Variants in ZPLD1 observed in about 807,000 individuals in gnomAD.
ZPLD1 encodes the protein zona pellucida like domain containing 1, also known as zona pellucida-like domain-containing protein 1.
Under a neutral mutation model 47.2 loss-of-function variants are expected in ZPLD1, and 34 were observed. That is an observed-to-expected ratio of 0.72 (90% CI 0.55 to 0.96). The LOEUF (loss-of-function observed/expected upper bound fraction) is 0.96, where lower values mean the gene tolerates loss of function less well. ZPLD1 is among the 40% of genes least tolerant of loss of function. The pLI is 0.00. For missense variants in ZPLD1, 512 were observed against 505.8 expected, an observed-to-expected ratio of 1.01 and a Z score of -0.12; for synonymous variants, 176 against 186.2, an observed-to-expected ratio of 0.95 and a Z score of 0.45.
chr3:102,454,630 C>A (rs1160238438), intron 4 of ZPLD1, among the ~76,000 whole-genome samples: 1 of 152,166 alleles, frequency 6.6e-6, no homozygotes, highest in Non-Finnish European at 1.5e-5. Context: ...CCAAGGTGGG[C>A]AGATCACCTG....
intron 7 of ZPLD1, among the ~76,000 whole-genome samples, chr3:102,395,191 T>C (rs1313372486): frequency 1.3e-5 from 2 of 152,024 alleles, no homozygotes; most frequent in Non-Finnish European, 2.9e-5. Flanking sequence ...AATAACAGAC[T>C]CCAAAAACGT....
chr3:102,478,510 G>C lies in ZPLD1; in HGVS notation c.*892G>C, dbSNP rs1707793272. ...TCCTAGAAGGGTTTTTAACAATTTAGATTCCCTTTTTCCTAAAACAAAAAG... is the reference window on the plus strand; with the variant it reads ...TCCTAGAAGGGTTTTTAACAATTTACATTCCCTTTTTCCTAAAACAAAAAG... On this transcript the variant is annotated 3_prime_UTR_variant, in exon 12 of 12. Transcript: ENST00000466937. The C allele has an allele frequency of 3.2e-5, 1 of 30,980 alleles. No individual in the cohort carries two copies. Among genetic ancestry groups the C allele is most frequent in the Non-Finnish European group, 1.4e-4 (1 of 7,284 alleles). 1.9% of individuals were successfully genotyped at this position (30,980 alleles called of 1,614,324 possible).
At chr3:102,391,202 A>C (rs943439210) in intron 6 of ZPLD1, among the ~76,000 whole-genome samples, 2 of 152,190 alleles carry the variant, frequency 1.3e-5, no homozygotes, top group African/African-American at 4.8e-5. Context: ...ACTTGCAGAA[A>C]GTTTTATGAA....
intron 6 of ZPLD1, among the ~76,000 whole-genome samples, chr3:102,460,368 A>G (rs950164585): frequency 6.6e-6 from 1 of 152,004 alleles, no homozygotes; most frequent in African/African-American, 2.4e-5. Flanking sequence ...CAGTAAGTAT[A>G]CTGAGGGGAA....
At chr3:102,439,822 T>G (rs911446609) in intron 3 of ZPLD1, among the ~76,000 whole-genome samples, 3 of 152,196 alleles carry the variant, frequency 2.0e-5, no homozygotes, top group Non-Finnish European at 2.9e-5. Flanking sequence ...CCAACAGTAA[T>G]TTCTTAATAT....
intron 11 of ZPLD1, 90 bp downstream of exon 11, chr3:102,477,131 T>C: frequency 6.9e-7 from 1 of 1,449,862 alleles, no homozygotes; most frequent in Non-Finnish European, 9.7e-7. Context: ...GAGCTTGAGT[T>C]TTCCAAGTTT....
chr3:102,391,494 A>C (rs1706494810), intron 6 of ZPLD1, among the ~76,000 whole-genome samples: 1 of 152,090 alleles, frequency 6.6e-6, no homozygotes, highest in Non-Finnish European at 1.5e-5. Flanking sequence ...TCTCGGTATA[A>C]AAAGTGATAC....
At chr3:102,408,612 C>T (rs980769510) in intron 7 of ZPLD1, among the ~76,000 whole-genome samples, 16 of 151,704 alleles carry the variant, frequency 1.1e-4, no homozygotes, top group Non-Finnish European at 2.2e-4. Context: ...AGATTTCTTG[C>T]AATTTAACTT....
At chr3:102,406,806 C>A (rs1301113494) in intron 7 of ZPLD1, among the ~76,000 whole-genome samples, 1 of 151,944 alleles carries the variant, frequency 6.6e-6, no homozygotes, top group African/African-American at 2.4e-5. Context: ...CAGAGCCTAT[C>A]TTTCTCTTTG....
intron 1 of ZPLD1, 113 bp from the exon 2 acceptor site, chr3:102,436,747 T>C: frequency 1.2e-5 from 4 of 333,014 alleles, no homozygotes; most frequent in Non-Finnish European, 1.7e-5. Context: ...TTGTGCAAAG[T>C]GTACATTCAG....
At chr3:102,464,854 T>G (rs1707567569) in intron 8 of ZPLD1, among the ~76,000 whole-genome samples, 1 of 152,230 alleles carries the variant, frequency 6.6e-6, no homozygotes, top group Non-Finnish European at 1.5e-5. Context: ...CTCAGTTCCT[T>G]TTCAGCATTT....
chr3:102,432,437 T>C (rs1707027269), upstream of ZPLD1, among the ~76,000 whole-genome samples: 1 of 152,222 alleles, frequency 6.6e-6, no homozygotes, highest in South Asian at 2.1e-4. Flanking sequence ...AGATTGATGT[T>C]TAACATTTGA....
chr3:102,432,768 T>A (rs907710049), upstream of ZPLD1, among the ~76,000 whole-genome samples: 3 of 151,884 alleles, frequency 2.0e-5, no homozygotes, highest in Non-Finnish European at 4.4e-5. Flanking sequence ...TAGGAAAGTC[T>A]ATTTTATTTG....
chr3:102,451,392 T>A (rs576142097), intron 3 of ZPLD1, among the ~76,000 whole-genome samples: 1 of 152,210 alleles, frequency 6.6e-6, no homozygotes, highest in Non-Finnish European at 1.5e-5. Flanking sequence ...ATCAAGGTCA[T>A]TTCCCCATTG....
rs1211581179 is a variant in ZPLD1 at position 102,453,040 on chromosome 3, C to T, written c.228C>T (p.Asp76=). The stretch of plus-strand genomic sequence containing the variant: ...TGGCACTGAATGGAAGGCATGGGGA[C>T]TCCCACTGCAGAGGGTTCATCAATA... ...TDLALNGRHG[D]SHCRGFINNN... Residue 76 remains aspartate (D), a synonymous_variant, in exon 4 of 12, where the codon GAC becomes GAT. Coordinates refer to ENST00000466937, the MANE Select transcript of ZPLD1 (RefSeq NM_001329788.2). The T allele has an allele frequency of 1.2e-6, 2 of 1,613,958 alleles. No homozygotes were observed. The highest frequency in any genetic ancestry group is 2.7e-5 in the African/African-American group (2 of 74,902).
At chr3:102,423,483 C>G (rs183685103) in intron 8 of ZPLD1, among the ~76,000 whole-genome samples, 17 of 152,180 alleles carry the variant, frequency 1.1e-4, no homozygotes, top group African/African-American at 3.9e-4. Context: ...ATTATCTTAA[C>G]TCAAGGAACT....
chr3:102,393,643 T>C (rs1001738746), intron 7 of ZPLD1, among the ~76,000 whole-genome samples: 1 of 144,632 alleles, frequency 6.9e-6, no homozygotes, highest in Non-Finnish European at 1.5e-5. Context: ...ATTTGCTTTG[T>C]AGATTAAAAA....
At chr3:102,432,152 G>A (rs1322593276), upstream of ZPLD1, among the ~76,000 whole-genome samples, 1 of 151,988 alleles carries the variant, frequency 6.6e-6, no homozygotes. Flanking sequence ...TTTTTCCTGA[G>A]ATCTTTTAAT....
At chr3:102,476,222 G>T (rs997781299) in intron 10 of ZPLD1, among the ~76,000 whole-genome samples, 2 of 151,972 alleles carry the variant, frequency 1.3e-5, no homozygotes, top group African/African-American at 4.8e-5. Context: ...CGCATTATAT[G>T]GTTCAAATAA....
Sources: allele counts gnomAD v4.1 joint callset (sites outside exome capture counted in the v4.1 genomes callset), GRCh38; gene constraint gnomAD v4.1.1; transcripts MANE v1.5; gene names NCBI Gene and HGNC (gene_info 2026-07-23, HGNC 2026-07-21).